The following LEPR variants were observed in gnomAD, a reference collection of about 807,000 sequenced individuals.
LEPR encodes leptin receptor, also known as OB receptor.
Under a neutral mutation model 114.7 loss-of-function variants are expected in LEPR, and 56 were observed. The ratio of observed to expected loss-of-function variants is 0.49; its 90% CI spans 0.39 to 0.61. The LOEUF is 0.61. Ranked by LOEUF, LEPR falls within the 20% of genes least tolerant of loss-of-function variation. The pLI is 0.00. For synonymous variants in LEPR, 443 were observed against 461.4 expected (o/e 0.96, Z 0.51); for missense variants, 1,202 against 1,352.9 (o/e 0.89, Z 1.75).
At chr1:65,463,504 G>A (rs951217771) in intron 2 of LEPR, among the ~76,000 whole-genome samples, 4 of 152,070 alleles carry the variant, frequency 2.6e-5, no homozygotes, top group African/African-American at 9.7e-5. Context: ...TTGGCTATGT[G>A]GGCTCTTTTT....
At chr1:65,603,664 G>A (rs1397895504) in intron 10 of LEPR, among the ~76,000 whole-genome samples, 1 of 149,704 alleles carries the variant, frequency 6.7e-6, no homozygotes, top group Non-Finnish European at 1.5e-5. Flanking sequence ...TTTATAAACT[G>A]TCTGAAAACA....
In LEPR at chr1:65,608,763, G is replaced by T; in HGVS notation, c.1614G>T (p.Leu538=). Reference sequence around the variant, plus strand: ...TGTAAAAATTTCTAGTGAAGCCACTGCCTCCATCCAGTGTGAAAGCAGAAA... The same window carrying T: ...TGTAAAAATTTCTAGTGAAGCCACTTCCTCCATCCAGTGTGAAAGCAGAAA... ...CVLPDSVVKP[L]PPSSVKAEIT... is the part of the protein sequence containing the mutation. The change falls in exon 12 of 20, where the codon CTG becomes CTT. Residue 538 remains leucine, a synonymous_variant. Transcript: ENST00000349533. 6.2e-7 allele frequency: 1 copy of T among 1,613,414 alleles called. No homozygotes were observed. The highest frequency in any genetic ancestry group is 1.1e-5 in the South Asian group (1 of 90,990).
At chr1:65,480,706 A>G (rs991962565) in intron 2 of LEPR, among the ~76,000 whole-genome samples, 17 of 152,124 alleles carry the variant, frequency 1.1e-4, no homozygotes, top group African/African-American at 4.1e-4. Flanking sequence ...CCCATTTTAC[A>G]AAAGAGGAAA....
chr1:65,514,592 T>C (rs1361454607), intron 2 of LEPR, among the ~76,000 whole-genome samples: 2 of 152,268 alleles, frequency 1.3e-5, no homozygotes, highest in Non-Finnish European at 2.9e-5. Flanking sequence ...TCATCATTTT[T>C]TCTTATGCAT....
intron 10 of LEPR, among the ~76,000 whole-genome samples, chr1:65,603,796 A>C (rs1416724238): frequency 4.6e-5 from 7 of 151,452 alleles, no homozygotes; most frequent in Admixed American, 3.3e-4. Flanking sequence ...AAGCCAAAAG[A>C]TTGGACACCC....
At chr1:65,549,885 C>T (rs571067095) in intron 2 of LEPR, among the ~76,000 whole-genome samples, 117 of 152,306 alleles carry the variant, frequency 7.7e-4, no homozygotes, top group African/African-American at 2.5e-3. Flanking sequence ...GGAGGAGAGG[C>T]GCTCTGCTTT....
chr1:65,630,871 G>A (rs555721869), intron 19 of LEPR, among the ~76,000 whole-genome samples: 1 of 152,148 alleles, frequency 6.6e-6, no homozygotes, highest in Admixed American at 6.5e-5. Flanking sequence ...ATACCAATTC[G>A]AGGATTTTTG....
In LEPR at chr1:65,511,842, G is replaced by A. The variant is rs201433908; in HGVS notation, c.-20-53704G>A. ...CCCTTTATTCCAGATAGAGCTAGGG[G>A]TGGAGAGAAAACCCCTCTGCAACTC... is the stretch of plus-strand genomic sequence containing the variant. On this transcript the variant is annotated intron_variant, in intron 2 of 19. Transcript: ENST00000349533. 3.8e-4 allele frequency among the ~76,000 whole-genome samples: 58 copies of A among 152,274 alleles called. 1 individual carries two copies. In the East Asian group the frequency reaches 0.011, roughly 28 times the overall value.
At chr1:65,424,784 T>A (rs1487892447) in intron 1 of LEPR, among the ~76,000 whole-genome samples, 1 of 151,968 alleles carries the variant, frequency 6.6e-6, no homozygotes, top group African/African-American at 2.4e-5. Context: ...ACAGAGAGAG[T>A]GTGTGCTCTA....
chr1:65,442,205 G>C (rs909535789), intron 2 of LEPR, among the ~76,000 whole-genome samples: 5 of 152,178 alleles, frequency 3.3e-5, no homozygotes, highest in African/African-American at 1.2e-4. Flanking sequence ...ATTCCCAAAA[G>C]GTTGGTGCCT....
intron 1 of LEPR, among the ~76,000 whole-genome samples, chr1:65,423,642 C>T (rs1367988558): frequency 6.6e-6 from 1 of 152,114 alleles, no homozygotes; most frequent in Non-Finnish European, 1.5e-5. Context: ...TTAAAATTGA[C>T]AGTGTTTCTT....
Position 65,557,150 on chromosome 1 carries a change from G to T in LEPR, c.-20-8396G>T, listed in dbSNP as rs114755875. ...GTATTATTAGGATGTTCATGAGGAT[G>T]TTAGCTGTTATTTTATAAAATTAAT... On this transcript the variant is annotated intron_variant, in intron 2 of 19. Coordinates refer to ENST00000349533, the MANE Select transcript of LEPR (RefSeq NM_002303.6). Among the ~76,000 whole-genome samples, 780 of 152,210 alleles carry T rather than the reference G, an allele frequency of 5.1e-3. 10 individuals carry two copies. Among genetic ancestry groups the T allele is most frequent in the African/African-American group, 0.018 (752 of 41,516 alleles).
chr1:65,423,137 T>G (rs1557578902), intron 1 of LEPR, among the ~76,000 whole-genome samples: 1 of 152,114 alleles, frequency 6.6e-6, no homozygotes, highest in Admixed American at 6.5e-5. Context: ...GAATTTGAGG[T>G]TCTTGTTGGC....
intron 19 of LEPR, chr1:65,634,520 T>TA (rs1269796303): frequency 1.1e-6 from 1 of 944,230 alleles, no homozygotes; most frequent in East Asian, 1.2e-4. Context: ...TGACAAAACA[T>TA]ATTTCAATAG....
intron 2 of LEPR, among the ~76,000 whole-genome samples, chr1:65,555,324 A>T (rs973667425): frequency 1.3e-5 from 2 of 152,238 alleles, no homozygotes; most frequent in South Asian, 4.1e-4. Context: ...CAACTTCAGC[A>T]ATCAGTTTGA....
At chr1:65,484,577 A>G in intron 2 of LEPR, among the ~76,000 whole-genome samples, 1 of 152,180 alleles carries the variant, frequency 6.6e-6, no homozygotes, top group East Asian at 1.9e-4. Flanking sequence ...AATATGAACT[A>G]GGAAAGAATG....
At chr1:65,485,992 A>G (rs1387112218) in intron 2 of LEPR, among the ~76,000 whole-genome samples, 1 of 152,172 alleles carries the variant, frequency 6.6e-6, no homozygotes, top group Admixed American at 6.6e-5. Context: ...ACTTTAGCAA[A>G]TACTGTAAAC....
chr1:65,628,907 C>T (rs1044279945), intron 19 of LEPR, among the ~76,000 whole-genome samples: 1 of 152,070 alleles, frequency 6.6e-6, no homozygotes, highest in African/African-American at 2.4e-5. Flanking sequence ...GGACAGTCCC[C>T]TTTTCCACCC....
chr1:65,495,891 G>A (rs945613646), intron 2 of LEPR, among the ~76,000 whole-genome samples: 3 of 152,154 alleles, frequency 2.0e-5, no homozygotes, highest in African/African-American at 7.2e-5. Flanking sequence ...GGTTATCAGA[G>A]CTTGGGATGG....
Sources: allele counts gnomAD v4.1 joint callset (sites outside exome capture counted in the v4.1 genomes callset), GRCh38; gene constraint gnomAD v4.1.1; transcripts MANE v1.5; gene names NCBI Gene and HGNC (gene_info 2026-07-23, HGNC 2026-07-21).